The following DLG2 variants were observed in gnomAD, a reference collection of about 807,000 sequenced individuals.
DLG2 encodes disks large homolog 2.
DLG2 carries 45 observed loss-of-function variants against 132.5 expected under a neutral mutation model. That is an observed-to-expected ratio of 0.34 (90% CI 0.27 to 0.44). DLG2 has a LOEUF of 0.44. DLG2 is among the 20% of genes least tolerant of loss of function. The probability of loss-of-function intolerance (pLI) is 1.00; values close to 1 mark genes in which losing one functional copy is unlikely to be tolerated. For missense variants in DLG2, 1,045 were observed against 1,196.9 expected, an observed-to-expected ratio of 0.87 and a Z score of 1.87; for synonymous variants, 424 against 419.6, an observed-to-expected ratio of 1.01 and a Z score of -0.13.
chr11:85,615,570 T>C (rs1366952949), intron 2 of DLG2, among the ~76,000 whole-genome samples: 1 of 152,130 alleles, frequency 6.6e-6, no homozygotes, highest in African/African-American at 2.4e-5. Context: ...TTTTGCATCA[T>C]TCCAGATTTA....
intron 7 of DLG2, among the ~76,000 whole-genome samples, chr11:84,410,325 TC>T (rs2098893223): frequency 6.6e-6 from 1 of 152,106 alleles, no homozygotes; most frequent in Non-Finnish European, 1.5e-5. Flanking sequence ...GCTGATGGCT[TC>T]AACCCCACTC....
intron 7 of DLG2, among the ~76,000 whole-genome samples, chr11:84,530,837 A>G (rs1308904120): frequency 6.6e-6 from 1 of 152,248 alleles, no homozygotes; most frequent in Non-Finnish European, 1.5e-5. Context: ...TGTTCCTTGC[A>G]GCACTATTCA....
At chr11:84,399,368 C>G (rs575541660) in intron 7 of DLG2, among the ~76,000 whole-genome samples, 27 of 152,264 alleles carry the variant, frequency 1.8e-4, no homozygotes, top group Non-Finnish European at 3.5e-4. Flanking sequence ...CTCTCCTCCT[C>G]CACTAAATGG....
intron 6 of DLG2, among the ~76,000 whole-genome samples, chr11:85,066,453 G>GT (rs1002033525): frequency 2.6e-5 from 4 of 151,566 alleles, no homozygotes; most frequent in African/African-American, 9.7e-5. Flanking sequence ...TACAAAGCCA[G>GT]TATCACTCTG....
chr11:84,987,165 G>T (rs2056589326), intron 6 of DLG2, among the ~76,000 whole-genome samples: 1 of 151,992 alleles, frequency 6.6e-6, no homozygotes, highest in Non-Finnish European at 1.5e-5. Context: ...CTTTACAATA[G>T]CTGCGAAAAA....
At chr11:85,578,898 T>A (rs937288847) in intron 3 of DLG2, among the ~76,000 whole-genome samples, 1 of 152,192 alleles carries the variant, frequency 6.6e-6, no homozygotes, top group African/African-American at 2.4e-5. Flanking sequence ...CCCAAAAGAA[T>A]ATAAATAGTT....
At position 85,206,909 on chromosome 11, in the gene DLG2, A is replaced by T. The variant is rs535321550; in HGVS notation, c.187-52258T>A. Among the ~76,000 whole-genome samples, 24 of 152,298 alleles carry T rather than the reference A, an allele frequency of 1.6e-4. No homozygotes were observed. The East Asian group carries it at 3.9e-3, about 25-fold the overall frequency. On this transcript the variant is annotated intron_variant, in intron 4 of 27. Transcript: ENST00000376104. ...TCACATGTATTTTTTGTCACAAAAA[A>T]AATCTTCAAAGATTCATTTATGTAA...
chr11:83,950,562 C>T (rs2085166554), intron 14 of DLG2, among the ~76,000 whole-genome samples: 1 of 152,202 alleles, frequency 6.6e-6, no homozygotes, highest in Non-Finnish European at 1.5e-5. Context: ...CATTGCACTC[C>T]AGCCTGGGCA....
chr11:85,411,565 T>C (rs758036786), intron 3 of DLG2, among the ~76,000 whole-genome samples: 2 of 151,904 alleles, frequency 1.3e-5, no homozygotes, highest in Non-Finnish European at 2.9e-5. Context: ...ATCTGTAAAA[T>C]ATAGGTGTTG....
intron 3 of DLG2, among the ~76,000 whole-genome samples, chr11:85,456,197 G>T (rs1316983520): frequency 1.3e-5 from 2 of 152,078 alleles, no homozygotes; most frequent in Non-Finnish European, 2.9e-5. Context: ...ACTCTTGGGA[G>T]GTTGTATGTG....
chr11:83,661,221 A>G (rs771850675), intron 18 of DLG2, among the ~76,000 whole-genome samples: 41 of 152,282 alleles, frequency 2.7e-4, no homozygotes, highest in Middle Eastern at 6.8e-3. Flanking sequence ...AATTAGTGCA[A>G]TGATCTTGGG....
intron 18 of DLG2, among the ~76,000 whole-genome samples, chr11:83,633,550 C>T (rs964981016): frequency 6.6e-6 from 1 of 152,006 alleles, no homozygotes; most frequent in Non-Finnish European, 1.5e-5. Flanking sequence ...AAACACACCA[C>T]CATCAAATTC....
chr11:83,906,410 C>G (rs886560260), intron 15 of DLG2, among the ~76,000 whole-genome samples: 1 of 151,440 alleles, frequency 6.6e-6, no homozygotes, highest in Non-Finnish European at 1.5e-5. Flanking sequence ...ATACATAGTT[C>G]GGGAGATAGG....
chr11:84,404,758 C>T (rs1448112981), intron 7 of DLG2, among the ~76,000 whole-genome samples: 1 of 151,986 alleles, frequency 6.6e-6, no homozygotes, highest in Non-Finnish European at 1.5e-5. Context: ...TGTTGAACAA[C>T]AGAAAAATGA....
At chr11:83,856,674 G>C (rs1210118423) in intron 16 of DLG2, among the ~76,000 whole-genome samples, 1 of 151,902 alleles carries the variant, frequency 6.6e-6, no homozygotes, top group African/African-American at 2.4e-5. Context: ...CTTTTTAATG[G>C]GGTTGTTTGT....
intron 17 of DLG2, chr11:83,790,992 G>A: frequency 1.2e-6 from 1 of 804,172 alleles, no homozygotes; most frequent in East Asian, 2.4e-5. Flanking sequence ...TCCGTTCTGA[G>A]AAGCCGAGCT....
intron 8 of DLG2, among the ~76,000 whole-genome samples, chr11:84,186,595 C>A (rs1481903327): frequency 6.6e-6 from 1 of 151,782 alleles, no homozygotes. Flanking sequence ...ATCCTAGGGG[C>A]ATTATGAACC....
At chr11:85,230,043 G>A (rs1326590941) in intron 4 of DLG2, among the ~76,000 whole-genome samples, 1 of 152,010 alleles carries the variant, frequency 6.6e-6, no homozygotes, top group East Asian at 1.9e-4. Context: ...ATGGGTTGAT[G>A]CTTGCAGCAA....
At chr11:83,904,263 T>G (rs2074185288) in intron 15 of DLG2, among the ~76,000 whole-genome samples, 2 of 152,188 alleles carry the variant, frequency 1.3e-5, no homozygotes, top group Non-Finnish European at 2.9e-5. Context: ...ATAAATTGTT[T>G]ATTTCTGAAA....
Sources: allele counts gnomAD v4.1 joint callset (sites outside exome capture counted in the v4.1 genomes callset), GRCh38; gene constraint gnomAD v4.1.1; transcripts MANE v1.5; gene names NCBI Gene and HGNC (gene_info 2026-07-23, HGNC 2026-07-21).